Variants in METTL16 observed in about 807,000 individuals in gnomAD.
METTL16 encodes the protein RNA N(6)-adenosine-methyltransferase METTL16.
METTL16 carries 19 observed loss-of-function variants against 57.9 expected under a neutral mutation model. The ratio of observed to expected loss-of-function variants is 0.33; its 90% CI spans 0.23 to 0.48. The LOEUF is 0.48. Ranked by LOEUF, METTL16 falls within the 20% of genes least tolerant of loss-of-function variation. The pLI, the probability that METTL16 is intolerant of heterozygous loss-of-function variation, is 0.99. For missense variants in METTL16, 434 were observed against 691.5 expected (o/e 0.63, Z 4.18); for synonymous variants, 246 against 255.6 (o/e 0.96, Z 0.36).
chr17:2,463,847 C>G (rs1440385671), intron 6 of METTL16, among the ~76,000 whole-genome samples: 2 of 152,044 alleles, frequency 1.3e-5, no homozygotes, highest in African/African-American at 4.8e-5. Flanking sequence ...ACAGGGGAGG[C>G]CGGGCACAGA....
At chr17:2,484,784 G>A (rs564884900) in intron 2 of METTL16, among the ~76,000 whole-genome samples, 3 of 152,200 alleles carry the variant, frequency 2.0e-5, no homozygotes, top group Non-Finnish European at 2.9e-5. Flanking sequence ...GTGAGCCACC[G>A]CGCCTGGTGA....
At chr17:2,479,608 T>C (rs1382103789) in intron 2 of METTL16, among the ~76,000 whole-genome samples, 3 of 152,082 alleles carry the variant, frequency 2.0e-5, no homozygotes. Flanking sequence ...GTCTGTACTA[T>C]CTCCTTTTCT....
intron 6 of METTL16, among the ~76,000 whole-genome samples, chr17:2,448,808 A>ATAAAAT (rs1567890028): frequency 8.0e-6 from 1 of 124,586 alleles, no homozygotes; most frequent in African/African-American, 4.3e-5. Context: ...AATTTAAAAA[A>ATAAAAT]AAAAAAAAAA....
At chr17:2,453,336 C>T (rs1029355744) in intron 6 of METTL16, among the ~76,000 whole-genome samples, 9 of 152,232 alleles carry the variant, frequency 5.9e-5, no homozygotes, top group African/African-American at 2.2e-4. Context: ...CTTGTCATGT[C>T]TCTTTAGCCT....
At chr17:2,423,126 G>A (rs1447639054) in intron 8 of METTL16, among the ~76,000 whole-genome samples, 1 of 152,176 alleles carries the variant, frequency 6.6e-6, no homozygotes. Context: ...CACACATGCA[G>A]ACACCACAGG....
chr17:2,434,542 C>G (rs2066896288), intron 8 of METTL16, among the ~76,000 whole-genome samples: 1 of 152,152 alleles, frequency 6.6e-6, no homozygotes, highest in South Asian at 2.1e-4. Context: ...AGGACACTTT[C>G]AACAAATAAA....
At chr17:2,495,338 C>CA (rs1255029280) in intron 2 of METTL16, among the ~76,000 whole-genome samples, 1 of 151,576 alleles carries the variant, frequency 6.6e-6, no homozygotes, top group African/African-American at 2.4e-5. Context: ...CTCAAAAACA[C>CA]AAAAAATAAA....
Position 2,473,537 on chromosome 17 carries a change from A to G in METTL16, c.456T>C (p.Ser152=), listed in dbSNP as rs1364774591. ...TGTGGCGCTAACCTTTTATGAGATC[A>G]GATAAGTTATTCTGTTCCACATTTT... ...AKKNVEQNNL[S]DLIKVVKVPQ... The change falls in exon 4 of 10, where the codon TCT becomes TCC. Residue 152 remains serine (S), a synonymous_variant. Transcript: ENST00000263092. 1.2e-6 allele frequency: 2 copies of G among 1,613,478 alleles called. No homozygotes were observed. The highest frequency in any genetic ancestry group is 1.7e-6 in the Non-Finnish European group (2 of 1,179,890).
Position 2,441,498 on chromosome 17 carries a change from T to TAC in METTL16, c.789_790insGT (p.Ile264ValfsTer8). The TAC allele has an allele frequency of 1.9e-6, 3 of 1,596,820 alleles. No individual in the cohort carries two copies. Among genetic ancestry groups the TAC allele is most frequent in the Non-Finnish European group, 2.6e-6 (3 of 1,170,238 alleles). On this transcript the variant is annotated frameshift_variant, in exon 7 of 10. Coordinates refer to ENST00000263092, the MANE Select transcript of METTL16 (RefSeq NM_024086.4). LOFTEE classifies it high-confidence loss of function. ...TAATGAGGAAGCCTCACCCCTTGTA[T>TAC]GCGAAGCTCCTCCTTCAGAGGCGCC... is the stretch of plus-strand genomic sequence containing the variant.
intron 3 of METTL16, among the ~76,000 whole-genome samples, chr17:2,474,386 G>GAAAAAAAAAAAA (rs752477163): frequency 6.6e-4 from 40 of 60,246 alleles, no homozygotes; most frequent in East Asian, 1.3e-3. Flanking sequence ...GAAACAAAAA[G>GAAAAAAAAAAAA]AAAAAAAAAA....
At chr17:2,503,340 C>A (rs546258510) in intron 1 of METTL16, among the ~76,000 whole-genome samples, 22 of 151,952 alleles carry the variant, frequency 1.4e-4, no homozygotes, top group African/African-American at 5.3e-4. Flanking sequence ...TATGAAAATA[C>A]GGTATATCCA....
intron 8 of METTL16, among the ~76,000 whole-genome samples, chr17:2,434,256 C>T (rs3885706): frequency 0.28 from 42,026 of 152,076 alleles, 9,814 homozygotes; most frequent in African/African-American, 0.64. Flanking sequence ...TGGTGGGCAA[C>T]GGCGTGACCT....
At chr17:2,493,507 T>C (rs1479763222) in intron 2 of METTL16, among the ~76,000 whole-genome samples, 1 of 151,808 alleles carries the variant, frequency 6.6e-6, no homozygotes, top group Non-Finnish European at 1.5e-5. Flanking sequence ...TCACTTGACG[T>C]CAGGAGTTCG....
chr17:2,417,261 G>A lies in METTL16; in HGVS notation c.*2709C>T, dbSNP rs149731991. On this transcript the variant is annotated 3_prime_UTR_variant, in exon 10 of 10. Transcript: ENST00000263092. Reference sequence around the variant, plus strand: ...GTATTTTGAGTAGAGACGGGGTTTCGCCATGTTGGCCAGGCTGGTCTCAAA... The same window carrying A: ...GTATTTTGAGTAGAGACGGGGTTTCACCATGTTGGCCAGGCTGGTCTCAAA... 4.1e-3 allele frequency: 620 copies of A among 151,754 alleles called. 3 individuals carry two copies. Among genetic ancestry groups the A allele is most frequent in the African/African-American group, 0.014 (577 of 41,274 alleles). The allele number at this position is 151,754 out of a possible 1,614,324, so 9.4% of individuals were successfully genotyped here.
chr17:2,507,005 C>T (rs1474326808), intron 1 of METTL16, among the ~76,000 whole-genome samples: 2 of 119,668 alleles, frequency 1.7e-5, no homozygotes, highest in African/African-American at 5.6e-5. Flanking sequence ...AGCCCCTCCG[C>T]CCGGCAGCCA....
intron 1 of METTL16, among the ~76,000 whole-genome samples, chr17:2,505,739 C>G (rs2067528113): frequency 6.6e-6 from 1 of 151,960 alleles, no homozygotes; most frequent in African/African-American, 2.4e-5. Context: ...TTGTTCTCAC[C>G]ATCCCTCCTT....
intron 6 of METTL16, among the ~76,000 whole-genome samples, chr17:2,444,051 G>T (rs1211091411): frequency 6.6e-6 from 1 of 151,640 alleles, no homozygotes; most frequent in Non-Finnish European, 1.5e-5. Context: ...AAAATTGGGT[G>T]AGGCATATGT....
chr17:2,438,690 T>C (rs2066925837), intron 7 of METTL16, among the ~76,000 whole-genome samples: 1 of 152,106 alleles, frequency 6.6e-6, no homozygotes, highest in South Asian at 2.1e-4. Flanking sequence ...TTAGTAGAGA[T>C]GGGGTTTCAC....
intron 6 of METTL16, among the ~76,000 whole-genome samples, chr17:2,446,658 G>C (rs1001676300): frequency 1.8e-4 from 26 of 147,638 alleles, no homozygotes; most frequent in African/African-American, 5.3e-4. Flanking sequence ...CTCTGATGCC[G>C]AGCCAAGGCT....
Sources: allele counts gnomAD v4.1 joint callset (sites outside exome capture counted in the v4.1 genomes callset), GRCh38; gene constraint gnomAD v4.1.1; transcripts MANE v1.5; gene names NCBI Gene and HGNC (gene_info 2026-07-23, HGNC 2026-07-21).